Variants in TMEM181 observed in about 807,000 individuals in gnomAD.
TMEM181 encodes the protein transmembrane protein 181.
In TMEM181, 39 loss-of-function variants were observed where a neutral mutation model predicts 71.9. That is an observed-to-expected ratio of 0.54 (90% confidence interval 0.42 to 0.71). The LOEUF (loss-of-function observed/expected upper bound fraction) is 0.71, where lower values mean the gene tolerates loss of function less well. TMEM181 is among the 30% of genes least tolerant of loss of function. The pLI, the probability that TMEM181 is intolerant of heterozygous loss-of-function variation, is 0.00. For missense variants in TMEM181, 595 were observed against 583.0 expected (o/e 1.02, Z -0.21); for synonymous variants, 245 against 228.8 (o/e 1.07, Z -0.64).
intron 4 of TMEM181, 102 bp downstream of exon 4, chr6:158,584,146 A>G: frequency 3.2e-6 from 3 of 946,780 alleles, no homozygotes; most frequent in Non-Finnish European, 3.2e-6. Context: ...GCTCAAAGAT[A>G]GATGTATAAG....
intron 1 of TMEM181, among the ~76,000 whole-genome samples, chr6:158,563,166 CAG>C (rs772029477): frequency 1.7e-4 from 26 of 152,318 alleles, no homozygotes; most frequent in Non-Finnish European, 2.9e-4. Flanking sequence ...TATTTTGAGA[CAG>C]AGTCTCGCTC....
chr6:158,625,264 A>T, intron 12 of TMEM181, 58 bp downstream of exon 12: 1 of 1,483,944 alleles, frequency 6.7e-7, no homozygotes, highest in South Asian at 1.1e-5. Context: ...CAGGTGGGGG[A>T]AGAAGTGGTT....
intron 1 of TMEM181, among the ~76,000 whole-genome samples, chr6:158,561,521 C>G (rs982948484): frequency 6.6e-6 from 1 of 152,194 alleles, no homozygotes; most frequent in African/African-American, 2.4e-5. Context: ...CTCTCACGCG[C>G]TGCCCCTTGG....
rs182795377 is a variant in TMEM181, at chr6:158,577,957, G to T, written c.113-2983G>T. Reference sequence around the variant, plus strand: ...AATACAAAATTAGCCAGGCGTGGTGGCACATGCCTGTAATCCTAGCTACTT... The same window carrying T: ...AATACAAAATTAGCCAGGCGTGGTGTCACATGCCTGTAATCCTAGCTACTT... On this transcript the variant is annotated intron_variant, in intron 2 of 16. Coordinates refer to ENST00000684151, the MANE Select transcript of TMEM181 (RefSeq NM_001376852.1). Among the ~76,000 whole-genome samples, 3 of 152,276 alleles carry T rather than the reference G, an allele frequency of 2.0e-5. No individual in the cohort carries two copies. In the East Asian group the frequency reaches 5.8e-4, roughly 29 times the overall value.
At position 158,560,109 on chromosome 6, in the gene TMEM181, C is replaced by G. The variant is rs909683328; in HGVS notation, c.-116C>G. The G allele has an allele frequency of 2.2e-5, 22 of 984,904 alleles. No individual in the cohort carries two copies. The highest frequency in any genetic ancestry group is 2.5e-5 in the Non-Finnish European group (21 of 829,792). 61.0% of individuals were successfully genotyped at this position (984,904 alleles called of 1,614,324 possible). A position where few individuals can be genotyped will look rare whatever the true frequency, so the allele number is the denominator to read the frequency against. ...CTCTGATGAGTTTTCCGCGGCCGGC[C>G]GCTGCTCAGCCGCTGTCGCTCCGGC... is the stretch of plus-strand genomic sequence containing the variant. On this transcript the variant is annotated 5_prime_UTR_variant, in exon 1 of 17. Transcript: ENST00000684151.
intron 8 of TMEM181, 80 bp downstream of exon 8, chr6:158,607,423 A>T (rs964615131): frequency 2.5e-5 from 34 of 1,340,308 alleles, no homozygotes; most frequent in Non-Finnish European, 1.1e-6. Flanking sequence ...TGTGCCTGTC[A>T]TCCCAGCACT....
chr6:158,590,590 A>C (rs1784051592), intron 6 of TMEM181, among the ~76,000 whole-genome samples: 1 of 152,126 alleles, frequency 6.6e-6, no homozygotes. Context: ...CAGCCTCCCA[A>C]GTAGCTGGGA....
chr6:158,568,115 C>T (rs1235569490), intron 1 of TMEM181, among the ~76,000 whole-genome samples: 1 of 151,980 alleles, frequency 6.6e-6, no homozygotes, highest in Admixed American at 6.6e-5. Flanking sequence ...GGACTCAGCT[C>T]TTCCTGGCTG....
chr6:158,573,782 C>A (rs1783012048), intron 2 of TMEM181, among the ~76,000 whole-genome samples: 1 of 152,202 alleles, frequency 6.6e-6, no homozygotes, highest in Non-Finnish European at 1.5e-5. Flanking sequence ...TGACCACATG[C>A]CTTCATTGGC....
intron 1 of TMEM181, among the ~76,000 whole-genome samples, chr6:158,548,737 C>T (rs1781623204): frequency 6.6e-6 from 1 of 152,226 alleles, no homozygotes; most frequent in Non-Finnish European, 1.5e-5. Flanking sequence ...CTCTACCAGG[C>T]TGGGTGCCAG....
At chr6:158,625,393 A>G (rs1786217485) in intron 12 of TMEM181, among the ~76,000 whole-genome samples, 187 bp downstream of exon 12, 1 of 152,118 alleles carries the variant, frequency 6.6e-6, no homozygotes, top group African/African-American at 2.4e-5. Context: ...TTACTCTGGC[A>G]TTTGGGACCA....
chr6:158,582,665 TAAAA>T (rs1010040172), intron 3 of TMEM181, among the ~76,000 whole-genome samples: 13 of 151,506 alleles, frequency 8.6e-5, no homozygotes, highest in Non-Finnish European at 1.9e-4. Context: ...GACCCTGTCT[TAAAA>T]AAGAAAAAAA....
Position 158,634,163 on chromosome 6 carries a change from G to A in TMEM181, c.*2275G>A, listed in dbSNP as rs1203817654. 9.4e-6 allele frequency: 1 copy of A among 105,942 alleles called. No homozygotes were observed. The highest frequency in any genetic ancestry group is 2.1e-5 in the Non-Finnish European group (1 of 48,578). 6.6% of individuals were successfully genotyped at this position (105,942 alleles called of 1,614,324 possible). A position where few individuals can be genotyped will look rare whatever the true frequency, so the allele number is the denominator to read the frequency against. ...AACTAAGTGGGAAATAAGAAAAAAA[G>A]TTAGAAAGTACTTAAGGGGAAAATC... On this transcript the variant is annotated 3_prime_UTR_variant, in exon 17 of 17. Coordinates refer to ENST00000684151, the MANE Select transcript of TMEM181 (RefSeq NM_001376852.1).
At chr6:158,586,216 G>A (rs1783765584) in intron 5 of TMEM181, among the ~76,000 whole-genome samples, 1 of 152,214 alleles carries the variant, frequency 6.6e-6, no homozygotes, top group South Asian at 2.1e-4. Context: ...ATTCTGTTCA[G>A]AGTCCAAAGA....
upstream of TMEM181, among the ~76,000 whole-genome samples, chr6:158,558,232 A>G (rs977642716): frequency 2.0e-5 from 3 of 152,202 alleles, no homozygotes; most frequent in Non-Finnish European, 1.5e-5. Flanking sequence ...GGATTTCCAC[A>G]TCATCTCATG....
At chr6:158,588,770 T>C (rs1783931881) in intron 5 of TMEM181, among the ~76,000 whole-genome samples, 1 of 152,228 alleles carries the variant, frequency 6.6e-6, no homozygotes, top group South Asian at 2.1e-4. Flanking sequence ...TTTTTAAGCC[T>C]GCTGTGTAAA....
rs774892048 is a variant in TMEM181 at position 158,609,720 on chromosome 6, G to A, written c.896+970G>A. The stretch of plus-strand genomic sequence containing the variant: ...GCCCTCTCTGCTTAAAGACTGTAGA[G>A]GCAACTGGTGTTCTCACGCAAAGTG... On this transcript the variant is annotated intron_variant, in intron 10 of 16. Coordinates refer to ENST00000684151, the MANE Select transcript of TMEM181 (RefSeq NM_001376852.1). 1.5e-5 allele frequency: 4 copies of A among 262,806 alleles called. No individual in the cohort carries two copies. In the South Asian group the frequency reaches 2.1e-4, roughly 14 times the overall value. The allele number at this position is 262,806 out of a possible 1,614,324, so 16.3% of individuals were successfully genotyped here. A position where few individuals can be genotyped will look rare whatever the true frequency, so the allele number is the denominator to read the frequency against.
chr6:158,583,298 A>G (rs1029818883), intron 3 of TMEM181, among the ~76,000 whole-genome samples: 4 of 152,122 alleles, frequency 2.6e-5, no homozygotes, highest in Non-Finnish European at 5.9e-5. Context: ...GGTATTCTTT[A>G]TTGTCTTAGT....
intron 10 of TMEM181, among the ~76,000 whole-genome samples, chr6:158,615,737 A>G (rs1373542463): frequency 1.3e-5 from 2 of 152,258 alleles, no homozygotes; most frequent in Non-Finnish European, 2.9e-5. Flanking sequence ...TTTATCAAAT[A>G]GGGAATCCTT....
Sources: allele counts gnomAD v4.1 joint callset (sites outside exome capture counted in the v4.1 genomes callset), GRCh38; gene constraint gnomAD v4.1.1; transcripts MANE v1.5; gene names NCBI Gene and HGNC (gene_info 2026-07-23, HGNC 2026-07-21).